PACRG: variants seen among roughly 807,000 people sequenced by gnomAD.
PACRG encodes parkin coregulated.
Under a neutral mutation model 29.7 loss-of-function variants are expected in PACRG, and 29 were observed. The ratio of observed to expected loss-of-function variants is 0.98; its 90% CI spans 0.73 to 1.33. PACRG has a LOEUF of 1.33. PACRG is among the 40% of genes most tolerant of loss of function. The pLI is 0.00. For synonymous variants in PACRG, 116 were observed against 118.7 expected, an observed-to-expected ratio of 0.98 and a Z score of 0.15; for missense variants, 279 against 316.2, an observed-to-expected ratio of 0.88 and a Z score of 0.89.
intron 3 of PACRG, among the ~76,000 whole-genome samples, chr6:163,065,066 G>T (rs918532257): frequency 6.6e-6 from 1 of 152,110 alleles, no homozygotes. Flanking sequence ...TCCTACTGCT[G>T]CTTGGTTCAA....
At chr6:162,850,655 C>T (rs1790779788) in intron 2 of PACRG, among the ~76,000 whole-genome samples, 1 of 152,144 alleles carries the variant, frequency 6.6e-6, no homozygotes, top group African/African-American at 2.4e-5. Flanking sequence ...GGGTGGATCA[C>T]CTGGAGAGGG....
chr6:163,231,109 C>T (rs1357753890), intron 4 of PACRG, among the ~76,000 whole-genome samples: 9 of 152,196 alleles, frequency 5.9e-5, no homozygotes, highest in Non-Finnish European at 5.9e-5. Context: ...GATGGGGCTG[C>T]GGCTGGGAGC....
chr6:162,990,298 C>G (rs1803330111), intron 2 of PACRG, among the ~76,000 whole-genome samples: 1 of 151,798 alleles, frequency 6.6e-6, no homozygotes, highest in Non-Finnish European at 1.5e-5. Context: ...GTTCTAGATC[C>G]CTGAGAATCG....
In PACRG at chr6:162,874,011, C is replaced by T. The variant is rs758748895; in HGVS notation, c.291+59730C>T. Among the ~76,000 whole-genome samples, 7 of 152,072 alleles carry T rather than the reference C, an allele frequency of 4.6e-5. No individual in the cohort carries two copies. In the South Asian group the frequency reaches 1.0e-3, roughly 23 times the overall value. On this transcript the variant is annotated intron_variant, in intron 2 of 4. Coordinates refer to ENST00000366888, the MANE Select transcript of PACRG (RefSeq NM_001080379.2). ...GAGCAGCGCTTCTGATTGTGCACTT[C>T]CATGTCAGACCTCACATTAACAATA...
intron 1 of PACRG, among the ~76,000 whole-genome samples, chr6:162,766,119 A>G (rs1191146831): frequency 1.3e-5 from 2 of 152,168 alleles, no homozygotes; most frequent in Non-Finnish European, 2.9e-5. Context: ...TATGTAATAC[A>G]TTATGATTAA....
At chr6:163,198,364 T>G (rs988586102) in intron 4 of PACRG, among the ~76,000 whole-genome samples, 9 of 152,358 alleles carry the variant, frequency 5.9e-5, no homozygotes, top group African/African-American at 2.2e-4. Context: ...AATACCTAGA[T>G]TGTGAGATAA....
At chr6:162,747,818 G>A (rs1781203824) in intron 1 of PACRG, among the ~76,000 whole-genome samples, 1 of 151,922 alleles carries the variant, frequency 6.6e-6, no homozygotes, top group African/African-American at 2.4e-5. Context: ...TTAGTAATGG[G>A]AGACGGGGCT....
chr6:163,138,202 AT>A (rs1333565892), intron 4 of PACRG, among the ~76,000 whole-genome samples: 2 of 152,234 alleles, frequency 1.3e-5, no homozygotes, highest in Non-Finnish European at 2.9e-5. Context: ...TTATAAAGCA[AT>A]TTAAATGTTG....
At chr6:163,000,635 G>A (rs561113642) in intron 2 of PACRG, among the ~76,000 whole-genome samples, 1 of 152,246 alleles carries the variant, frequency 6.6e-6, no homozygotes, top group South Asian at 2.1e-4. Flanking sequence ...GTACATCGCA[G>A]GGTGCCATGA....
At chr6:163,310,452 C>T (rs557342365) in intron 4 of PACRG, 2 of 152,270 alleles carry the variant, frequency 1.3e-5, no homozygotes, top group Non-Finnish European at 2.9e-5. Flanking sequence ...TTTTTTGTCT[C>T]GCATTGCCCT....
At chr6:162,824,317 G>C (rs982057986) in intron 2 of PACRG, among the ~76,000 whole-genome samples, 1 of 151,962 alleles carries the variant, frequency 6.6e-6, no homozygotes, top group East Asian at 1.9e-4. Flanking sequence ...GTTTCTGACC[G>C]GGCCAGGAAG....
intron 2 of PACRG, among the ~76,000 whole-genome samples, chr6:162,896,201 C>T (rs1454935793): frequency 6.6e-6 from 1 of 152,194 alleles, no homozygotes; most frequent in Non-Finnish European, 1.5e-5. Flanking sequence ...ATCGTTTGGC[C>T]ACAGTCCTTT....
intron 2 of PACRG, among the ~76,000 whole-genome samples, chr6:163,042,381 T>A (rs1018367618): frequency 1.9e-4 from 29 of 152,170 alleles, no homozygotes; most frequent in African/African-American, 6.8e-4. Flanking sequence ...GGGTTCACTG[T>A]GAGAAGAGAG....
At chr6:163,143,270 A>G (rs1301424349) in intron 4 of PACRG, among the ~76,000 whole-genome samples, 10 of 152,208 alleles carry the variant, frequency 6.6e-5, no homozygotes, top group African/African-American at 2.4e-4. Flanking sequence ...AAAACACCTC[A>G]ACAGCTACTC....
intron 2 of PACRG, among the ~76,000 whole-genome samples, chr6:163,053,040 C>T (rs892817443): frequency 6.6e-6 from 1 of 151,904 alleles, no homozygotes; most frequent in African/African-American, 2.4e-5. Context: ...GTTCTGTGTC[C>T]CTCTGAAAGC....
At chr6:163,134,917 G>A (rs1169141427) in intron 4 of PACRG, among the ~76,000 whole-genome samples, 1 of 152,044 alleles carries the variant, frequency 6.6e-6, no homozygotes, top group East Asian at 1.9e-4. Flanking sequence ...GAATAACACC[G>A]ACACCACCTG....
chr6:162,846,030 G>A (rs560685859), intron 2 of PACRG, among the ~76,000 whole-genome samples: 4 of 152,154 alleles, frequency 2.6e-5, no homozygotes, highest in Admixed American at 6.5e-5. Context: ...GTGACAGGGT[G>A]GGGGAGCCGG....
intron 4 of PACRG, among the ~76,000 whole-genome samples, chr6:163,228,356 A>C (rs1291849230): frequency 2.8e-5 from 4 of 145,054 alleles, no homozygotes. Flanking sequence ...GAGGCAGATA[A>C]GCTTTGGAAA....
intron 1 of PACRG, among the ~76,000 whole-genome samples, chr6:162,747,731 G>T (rs1490993783): frequency 6.6e-6 from 1 of 151,630 alleles, no homozygotes; most frequent in Non-Finnish European, 1.5e-5. Context: ...ACAGTTTAAG[G>T]TGATTTCACA....
Sources: gnomAD v4.1 joint callset for allele counts (sites outside exome capture counted in the v4.1 genomes callset) on GRCh38, gnomAD v4.1.1 for gene constraint, MANE v1.5 for transcripts, NCBI Gene and HGNC (gene_info 2026-07-23, HGNC 2026-07-21) for gene names.